The following PRIMA1 variants were observed in gnomAD, a reference collection of about 807,000 sequenced individuals.
PRIMA1 encodes the protein proline rich membrane anchor 1.
Under a neutral mutation model 17.5 loss-of-function variants are expected in PRIMA1, and 7 were observed. The observed-to-expected ratio is 0.40, with a 90% CI of 0.23 to 0.75. The LOEUF (loss-of-function observed/expected upper bound fraction) is 0.75, where lower values mean the gene tolerates loss of function less well. Among genes scored for constraint, PRIMA1 ranks in the 30% least tolerant of loss-of-function variants. PRIMA1 has a pLI of 0.37. For missense variants in PRIMA1, 200 were observed against 201.8 expected (o/e 0.99, Z 0.05); for synonymous variants, 97 against 77.9 (o/e 1.25, Z -1.29).
At chr14:93,762,821 T>C (rs1884772953) in intron 3 of PRIMA1, among the ~76,000 whole-genome samples, 1 of 152,124 alleles carries the variant, frequency 6.6e-6, no homozygotes, top group Non-Finnish European at 1.5e-5. Context: ...TCCATCCTTG[T>C]CTCCTGTCCC....
At chr14:93,781,671 G>A (rs1243577424) in intron 2 of PRIMA1, among the ~76,000 whole-genome samples, 1 of 152,248 alleles carries the variant, frequency 6.6e-6, no homozygotes, top group Non-Finnish European at 1.5e-5. Context: ...GCAGGAGGAA[G>A]AAGTGAAGGA....
chr14:93,777,125 A>G (rs112431653), intron 3 of PRIMA1, among the ~76,000 whole-genome samples: 66 of 152,202 alleles, frequency 4.3e-4, no homozygotes, highest in African/African-American at 1.5e-3. Flanking sequence ...ATTGTTTGGT[A>G]AACAATGACC....
intron 3 of PRIMA1, among the ~76,000 whole-genome samples, chr14:93,768,858 T>G (rs547525154): frequency 6.8e-6 from 1 of 147,846 alleles, no homozygotes; most frequent in Non-Finnish European, 1.5e-5. Flanking sequence ...CAGGCTGGAG[T>G]GCAGTGGTGC....
intron 4 of PRIMA1, among the ~76,000 whole-genome samples, chr14:93,723,178 G>T (rs79437622): frequency 6.6e-6 from 1 of 152,050 alleles, no homozygotes; most frequent in Non-Finnish European, 1.5e-5. Context: ...CCACAATTCC[G>T]CTATCTCATC....
intron 3 of PRIMA1, among the ~76,000 whole-genome samples, chr14:93,774,852 A>G (rs1274244464): frequency 2.0e-5 from 3 of 152,316 alleles, no homozygotes; most frequent in South Asian, 4.1e-4. Context: ...GGAACCCTCA[A>G]CTCAACCCCA....
At chr14:93,758,506 C>T (rs1032291122) in intron 3 of PRIMA1, among the ~76,000 whole-genome samples, 11 of 141,232 alleles carry the variant, frequency 7.8e-5, no homozygotes, top group East Asian at 6.3e-4. Context: ...GGCTGAGGCA[C>T]GAAAATTGCT....
intron 3 of PRIMA1, among the ~76,000 whole-genome samples, chr14:93,763,141 C>A (rs919080706): frequency 4.6e-5 from 7 of 152,210 alleles, no homozygotes; most frequent in Non-Finnish European, 7.3e-5. Flanking sequence ...AACTCAGGAT[C>A]TATTTTGTTC....
chr14:93,746,472 G>C (rs2076218981), intron 3 of PRIMA1, among the ~76,000 whole-genome samples: 1 of 152,106 alleles, frequency 6.6e-6, no homozygotes, highest in South Asian at 2.1e-4. Context: ...CCGGAGGTGA[G>C]TGTGGGCCTG....
At position 93,755,926 on chromosome 14, in the gene PRIMA1, C is replaced by T. The variant is rs561561990; in HGVS notation, c.230-18556G>A. Among the ~76,000 whole-genome samples the T allele has an allele frequency of 1.2e-4, 18 of 152,280 alleles. No homozygotes were observed. In the East Asian group the frequency reaches 1.4e-3, roughly 11 times the overall value. On this transcript the variant is annotated intron_variant, in intron 3 of 4. Transcript: ENST00000393140. Reference sequence around the variant, plus strand: ...CCCCAGAGAGCAGAGATTACTCCAGCGGTTCCGTGGCCCTACTCTTCCCCA... The same window carrying T: ...CCCCAGAGAGCAGAGATTACTCCAGTGGTTCCGTGGCCCTACTCTTCCCCA...
In PRIMA1 at chr14:93,744,957, G is replaced by A. The variant is rs924120389; in HGVS notation, c.230-7587C>T. Among the ~76,000 whole-genome samples the A allele has an allele frequency of 3.3e-5, 5 of 152,278 alleles. No individual in the cohort carries two copies. In the South Asian group the frequency reaches 1.0e-3, roughly 32 times the overall value. On this transcript the variant is annotated intron_variant, in intron 3 of 4. Coordinates refer to ENST00000393140, the MANE Select transcript of PRIMA1 (RefSeq NM_178013.4). Reference sequence around the variant, plus strand: ...CACACCCTTCTCTACTGTGCAGGAGGGAAGCAGCTTGTGGGCACTGTAGCC... The same window carrying A: ...CACACCCTTCTCTACTGTGCAGGAGAGAAGCAGCTTGTGGGCACTGTAGCC...
At chr14:93,746,479 C>T (rs1428351926) in intron 3 of PRIMA1, among the ~76,000 whole-genome samples, 1 of 151,870 alleles carries the variant, frequency 6.6e-6, no homozygotes, top group African/African-American at 2.4e-5. Flanking sequence ...TGAGTGTGGG[C>T]CTGGCAGTTC....
intron 4 of PRIMA1, among the ~76,000 whole-genome samples, chr14:93,736,183 T>A (rs923629754): frequency 6.6e-6 from 1 of 151,664 alleles, no homozygotes; most frequent in African/African-American, 2.4e-5. Flanking sequence ...AACACTGGAG[T>A]CGAACTCGTC....
At chr14:93,732,713 G>A (rs2076122785) in intron 4 of PRIMA1, among the ~76,000 whole-genome samples, 1 of 152,194 alleles carries the variant, frequency 6.6e-6, no homozygotes, top group African/African-American at 2.4e-5. Flanking sequence ...GTCCCCCTGC[G>A]ATCCAGGATG....
rs942732232 is a variant in PRIMA1 at position 93,753,666 on chromosome 14, C to T, written c.230-16296G>A. Among the ~76,000 whole-genome samples the T allele has an allele frequency of 4.6e-5, 7 of 152,294 alleles. No individual in the cohort carries two copies. In the South Asian group the frequency reaches 8.3e-4, roughly 18 times the overall value. Reference sequence around the variant, plus strand: ...CGCCATCTTTCCCAGGCAGAAGGCCCGACAACAGAGCTTTCCCAAAGGCCA... The same window carrying T: ...CGCCATCTTTCCCAGGCAGAAGGCCTGACAACAGAGCTTTCCCAAAGGCCA... On this transcript the variant is annotated intron_variant, in intron 3 of 4. Transcript: ENST00000393140.
chr14:93,747,116 G>A (rs1158848578), intron 3 of PRIMA1, among the ~76,000 whole-genome samples: 1 of 152,154 alleles, frequency 6.6e-6, no homozygotes, highest in Non-Finnish European at 1.5e-5. Context: ...GTAGGCAGAG[G>A]GGAGAAGAGG....
intron 4 of PRIMA1, among the ~76,000 whole-genome samples, chr14:93,727,129 G>A (rs956520402): frequency 2.6e-5 from 4 of 152,124 alleles, no homozygotes; most frequent in South Asian, 2.1e-4. Context: ...GCAGACAAGC[G>A]TCCTCACAGC....
chr14:93,736,154 C>T (rs1293618085), intron 4 of PRIMA1, among the ~76,000 whole-genome samples: 2 of 152,316 alleles, frequency 1.3e-5, no homozygotes, highest in South Asian at 2.1e-4. Context: ...GCAGGAATAC[C>T]GAGGTCTGTT....
chr14:93,774,041 G>C (rs1000144402), intron 3 of PRIMA1, among the ~76,000 whole-genome samples: 2 of 152,026 alleles, frequency 1.3e-5, no homozygotes, highest in African/African-American at 4.8e-5. Flanking sequence ...GCAGTGAGCC[G>C]AGATCACAGC....
At chr14:93,766,175 A>C (rs893280580) in intron 3 of PRIMA1, among the ~76,000 whole-genome samples, 1 of 152,172 alleles carries the variant, frequency 6.6e-6, no homozygotes, top group Admixed American at 6.5e-5. Context: ...ACGGTAGCAA[A>C]CCAATGCCTC....
Sources: gnomAD v4.1 joint callset for allele counts (sites outside exome capture counted in the v4.1 genomes callset) on GRCh38, gnomAD v4.1.1 for gene constraint, MANE v1.5 for transcripts, NCBI Gene and HGNC (gene_info 2026-07-23, HGNC 2026-07-21) for gene names.